The following ADAM12 variants were observed in gnomAD, a reference collection of about 807,000 sequenced individuals.
The protein encoded by ADAM12 is disintegrin and metalloproteinase domain-containing protein 12.
Under a neutral mutation model 106.4 loss-of-function variants are expected in ADAM12, and 70 were observed. The ratio of observed to expected loss-of-function variants is 0.66; its 90% CI spans 0.54 to 0.80. ADAM12 has a LOEUF of 0.80. Among genes scored for constraint, ADAM12 ranks in the 30% least tolerant of loss-of-function variants. The probability of loss-of-function intolerance (pLI) is 0.00; values close to 1 mark genes in which losing one functional copy is unlikely to be tolerated. For synonymous variants in ADAM12, 420 were observed against 433.5 expected, an observed-to-expected ratio of 0.97 and a Z score of 0.39; for missense variants, 1,010 against 1,171.9, an observed-to-expected ratio of 0.86 and a Z score of 2.02.
At chr10:126,367,369 G>A (rs757851972) in intron 1 of ADAM12, among the ~76,000 whole-genome samples, 3 of 151,692 alleles carry the variant, frequency 2.0e-5, no homozygotes, top group Non-Finnish European at 2.9e-5. Flanking sequence ...TTAAACTGAC[G>A]ATAATGAAAA....
At chr10:126,246,378 G>A (rs1048403993) in intron 3 of ADAM12, among the ~76,000 whole-genome samples, 2 of 152,080 alleles carry the variant, frequency 1.3e-5, no homozygotes, top group Non-Finnish European at 2.9e-5. Flanking sequence ...GGTAAACTGC[G>A]AATATCCAGC....
In ADAM12 at chr10:126,013,246, G is replaced by C. The variant is rs1364397775; in HGVS notation, c.*4033C>G. On this transcript the variant is annotated 3_prime_UTR_variant, in exon 23 of 23. Coordinates refer to ENST00000448723, the MANE Select transcript of ADAM12 (RefSeq NM_001288973.2). This position sits in a 1 kb window ranked among gnomAD's most constrained non-coding sequence, Gnocchi z 4.3. Reference sequence around the variant, plus strand: ...AAGAAAATGGCACATTCACATGTAGGTAAGTAGCTTCTGGAAACATCCTCA... The same window carrying C: ...AAGAAAATGGCACATTCACATGTAGCTAAGTAGCTTCTGGAAACATCCTCA... The C allele has an allele frequency of 6.6e-6, 1 of 152,210 alleles. No homozygotes were observed. The highest frequency in any genetic ancestry group is 2.4e-5 in the African/African-American group (1 of 41,446). 9.4% of individuals were successfully genotyped at this position (152,210 alleles called of 1,614,324 possible). A position where few individuals can be genotyped will look rare whatever the true frequency, so the allele number is the denominator to read the frequency against.
At chr10:126,346,768 A>G (rs1027136609) in intron 1 of ADAM12, among the ~76,000 whole-genome samples, 5 of 152,084 alleles carry the variant, frequency 3.3e-5, no homozygotes, top group African/African-American at 1.2e-4. Context: ...TCCCTTTACC[A>G]TTATGTAATG....
chr10:126,159,877 C>T (rs1007701954), intron 3 of ADAM12, among the ~76,000 whole-genome samples: 1 of 152,232 alleles, frequency 6.6e-6, no homozygotes, highest in African/African-American at 2.4e-5. Context: ...AATACAACCA[C>T]AGTCATGCTT....
At chr10:126,299,306 C>A (rs1479735157) in intron 2 of ADAM12, among the ~76,000 whole-genome samples, 1 of 152,242 alleles carries the variant, frequency 6.6e-6, no homozygotes, top group Non-Finnish European at 1.5e-5. Context: ...AGGGATTTAG[C>A]CCAGATTTCT....
At chr10:126,047,884 A>T (rs1954369736) in intron 16 of ADAM12, among the ~76,000 whole-genome samples, 1 of 152,214 alleles carries the variant, frequency 6.6e-6, no homozygotes, top group African/African-American at 2.4e-5. Context: ...AAAGACATGG[A>T]CTCAAACTAA....
rs75991810 is a variant in ADAM12 at position 126,384,918 on chromosome 10, C to G, written c.88+3140G>C. 3.0e-3 allele frequency among the ~76,000 whole-genome samples: 463 copies of G among 152,282 alleles called. 1 individual carries two copies. Among genetic ancestry groups the G allele is most frequent in the Non-Finnish European group, 2.9e-3 (200 of 68,018 alleles). On this transcript the variant is annotated intron_variant, in intron 1 of 22. Coordinates refer to ENST00000448723, the MANE Select transcript of ADAM12 (RefSeq NM_001288973.2). ...GGGCTCAGTCCCACAAGACTTCCCCCCAATGTCAGATGCCAATCACAAGTA... is the reference window on the plus strand; with the variant it reads ...GGGCTCAGTCCCACAAGACTTCCCCGCAATGTCAGATGCCAATCACAAGTA...
At chr10:126,073,393 C>CT (rs1164258179) in intron 11 of ADAM12, among the ~76,000 whole-genome samples, 2,225 of 148,254 alleles carry the variant, frequency 0.015, 48 homozygotes, top group African/African-American at 0.05. Context: ...TGGCCCTTAA[C>CT]TTTTTTTTTT....
At chr10:126,095,961 A>G (rs1156699703) in intron 10 of ADAM12, among the ~76,000 whole-genome samples, 1 of 152,238 alleles carries the variant, frequency 6.6e-6, no homozygotes, top group East Asian at 1.9e-4. Flanking sequence ...AAGTGTGCTC[A>G]TGTAAGATCT....
chr10:126,305,314 C>T (rs185297880), intron 2 of ADAM12, among the ~76,000 whole-genome samples: 46 of 152,112 alleles, frequency 3.0e-4, no homozygotes, highest in African/African-American at 1.1e-3. Context: ...ATACCAACAA[C>T]ACAAATGAAT....
At chr10:126,117,761 G>GGGT (rs545577867) in intron 6 of ADAM12, among the ~76,000 whole-genome samples, 11 of 130,410 alleles carry the variant, frequency 8.4e-5, no homozygotes, top group Non-Finnish European at 1.5e-4. Flanking sequence ...TAGAAGTTGG[G>GGGT]GGGGCGTAAT....
intron 11 of ADAM12, among the ~76,000 whole-genome samples, chr10:126,082,293 C>A (rs1955234607): frequency 6.6e-6 from 1 of 151,290 alleles, no homozygotes; most frequent in South Asian, 2.1e-4. Flanking sequence ...CAAGTCCAGG[C>A]ACTGAGCTCA....
intron 1 of ADAM12, among the ~76,000 whole-genome samples, chr10:126,340,143 G>A (rs569009631): frequency 1.3e-5 from 2 of 152,260 alleles, no homozygotes; most frequent in South Asian, 2.1e-4. Flanking sequence ...ATGAGCCACA[G>A]TGCCCAGCCC....
intron 21 of ADAM12, among the ~76,000 whole-genome samples, chr10:126,025,900 C>T (rs1953863516): frequency 6.6e-6 from 1 of 152,036 alleles, no homozygotes; most frequent in Non-Finnish European, 1.5e-5. Flanking sequence ...TTAAGGGCAG[C>T]CAGAGAGAAA....
Position 126,282,696 on chromosome 10 carries a change from G to GT in ADAM12, c.187-3709dup, listed in dbSNP as rs1366322708. ...TAGTATTCTATTGCACAAACAATGT[G>GT]TAAGTCCTTTCTCCTACAGGTGGAC... On this transcript the variant is annotated intron_variant, in intron 2 of 22. Transcript: ENST00000448723. Among the ~76,000 whole-genome samples the GT allele has an allele frequency of 2.6e-5, 4 of 152,246 alleles. No individual in the cohort carries two copies. The East Asian group carries it at 5.8e-4, about 22-fold the overall frequency.
At chr10:126,168,633 T>C (rs1165375849) in intron 3 of ADAM12, among the ~76,000 whole-genome samples, 1 of 152,210 alleles carries the variant, frequency 6.6e-6, no homozygotes, top group South Asian at 2.1e-4. Flanking sequence ...GTTTTCACTC[T>C]TGAAACATTT....
intron 3 of ADAM12, among the ~76,000 whole-genome samples, chr10:126,263,862 A>T (rs1173540350): frequency 6.6e-6 from 1 of 152,370 alleles, no homozygotes; most frequent in East Asian, 1.9e-4. Context: ...TTTATGGTCC[A>T]ATATAAAAAT....
intron 2 of ADAM12, among the ~76,000 whole-genome samples, chr10:126,319,569 C>CA (rs1176173269): frequency 1.3e-5 from 2 of 152,036 alleles, no homozygotes; most frequent in Non-Finnish European, 2.9e-5. Flanking sequence ...AAGGAAGGCC[C>CA]AATAAACCGC....
At chr10:126,302,591 G>C (rs906093650) in intron 2 of ADAM12, among the ~76,000 whole-genome samples, 2 of 152,142 alleles carry the variant, frequency 1.3e-5, no homozygotes, top group African/African-American at 2.4e-5. Context: ...AGGGGAGGAC[G>C]TCTGAAGAGC....
Sources: allele counts gnomAD v4.1 joint callset (sites outside exome capture counted in the v4.1 genomes callset), GRCh38; gene constraint gnomAD v4.1.1; non-coding constraint Gnocchi (gnomAD v3.1); transcripts MANE v1.5; gene names NCBI Gene and HGNC (gene_info 2026-07-23, HGNC 2026-07-21).